Variants in EIF3F observed in about 807,000 individuals in gnomAD.
The protein encoded by EIF3F is deubiquitinating enzyme eIF3f.
In EIF3F, 8 loss-of-function variants were observed where a neutral mutation model predicts 36.0. That is an observed-to-expected ratio of 0.22 (90% confidence interval 0.13 to 0.40). The LOEUF is 0.40. Among genes scored for constraint, EIF3F ranks in the 10% least tolerant of loss-of-function variants. The pLI is 1.00. For missense variants in EIF3F, 430 were observed against 467.6 expected, an observed-to-expected ratio of 0.92 and a Z score of 0.74; for synonymous variants, 184 against 188.5, an observed-to-expected ratio of 0.98 and a Z score of 0.19.
chr11:7,994,376 G>A lies in EIF3F; in HGVS notation c.654-50G>A, dbSNP rs1334747661. 14 of 1,537,706 alleles carry A rather than the reference G, an allele frequency of 9.1e-6. No homozygotes were observed. In the East Asian group the frequency reaches 1.6e-4, roughly 18 times the overall value. On this transcript the variant is annotated intron_variant, in intron 4 of 7. Transcript: ENST00000651655. ...TGCTTTCTCAGCCCAGAATAGACAT[G>A]GAAACCCTCTCCCAAGGCCATCTGT...
intron 1 of EIF3F, among the ~76,000 whole-genome samples, chr11:7,991,108 T>C (rs1435592252): frequency 6.6e-6 from 1 of 150,644 alleles, no homozygotes; most frequent in East Asian, 1.9e-4. Context: ...GGCAGGAGAA[T>C]CACTTGAACC....
In EIF3F at chr11:7,987,809, C is replaced by T. The variant is rs1025149048; in HGVS notation, c.364+93C>T. 8.0e-6 allele frequency: 11 copies of T among 1,374,144 alleles called. No individual in the cohort carries two copies. The African/African-American group carries it at 9.2e-5, about 11-fold the overall frequency. 85.1% of individuals were successfully genotyped at this position (1,374,144 alleles called of 1,614,324 possible). On this transcript the variant is annotated intron_variant, in intron 1 of 7. Coordinates refer to ENST00000651655, the MANE Select transcript of EIF3F (RefSeq NM_003754.3). The stretch of plus-strand genomic sequence containing the variant: ...TCATTAATTCTTTAATTCCTGGTGT[C>T]CTACCGTCCTTTCCTCCCATCCCCA...
Position 7,992,088 on chromosome 11 carries a change from C to T in EIF3F, c.440C>T (p.Ala147Val). The change falls in exon 3 of 8, where the codon GCT becomes GTT. Residue 147 changes from alanine to valine, a missense_variant. By Grantham distance (64) the Ala-to-Val change is moderately conservative. Around this residue, in one of 2 missense-constraint regions of EIF3F, gnomAD observed 262 missense variants for 347.4 expected, o/e 0.75. Transcript: ENST00000651655. ...CTTTCCTGCCTTCCCTCTTAGGTGG[C>T]TGTTGACATGGAATTTGCTAAGAAT... ...VPHNESEDEVAVDMEFAKNMY... is the reference protein window; with the variant it reads ...VPHNESEDEVVVDMEFAKNMY... The T allele has an allele frequency of 6.2e-7, 1 of 1,613,378 alleles. No individual in the cohort carries two copies. The highest frequency in any genetic ancestry group is 8.5e-7 in the Non-Finnish European group (1 of 1,179,964).
At chr11:7,991,397 T>G (rs1942093296) in intron 1 of EIF3F, among the ~76,000 whole-genome samples, 1 of 152,008 alleles carries the variant, frequency 6.6e-6, no homozygotes, top group Non-Finnish European at 1.5e-5. Flanking sequence ...GCCACTATAT[T>G]AGCAGTCTAT....
Position 7,998,701 on chromosome 11 carries a change from GTA to G in EIF3F, c.*2683_*2684del, listed in dbSNP as rs1942189265. 6.6e-6 allele frequency: 1 copy of G among 152,094 alleles called. No homozygotes were observed. The highest frequency in any genetic ancestry group is 2.1e-4 in the South Asian group (1 of 4,828). 9.4% of individuals were successfully genotyped at this position (152,094 alleles called of 1,614,324 possible). On this transcript the variant is annotated 3_prime_UTR_variant, in exon 8 of 8. Coordinates refer to ENST00000651655, the MANE Select transcript of EIF3F (RefSeq NM_003754.3). ...AATGAGAATTGACTATTATGTGTGT[GTA>G]TATTATATATATGATAAAAAACAAA...
At chr11:7,988,921 A>G (rs888458115) in intron 1 of EIF3F, among the ~76,000 whole-genome samples, 1 of 152,154 alleles carries the variant, frequency 6.6e-6, no homozygotes, top group South Asian at 2.1e-4. Flanking sequence ...ACAGACACAC[A>G]TTTTCTCTCC....
chr11:7,987,887 C>T (rs931453866), intron 1 of EIF3F, 171 bp downstream of exon 1: 19 of 980,934 alleles, frequency 1.9e-5, no homozygotes, highest in Middle Eastern at 3.5e-4. Flanking sequence ...CTTATCTTCT[C>T]AAGCACTTGC....
rs554300925 is a variant in EIF3F at position 7,999,601 on chromosome 11, A to G, written c.*3579A>G. ...TATAAAATATATTATAGAACTGTGT[A>G]ATTAAAGCAATATGGTACTGGTCCA... On this transcript the variant is annotated 3_prime_UTR_variant, in exon 8 of 8. Transcript: ENST00000651655. 1 of 152,368 alleles carries G rather than the reference A, an allele frequency of 6.6e-6. No homozygotes were observed. The highest frequency in any genetic ancestry group is 2.4e-5 in the African/African-American group (1 of 41,588). The allele number at this position is 152,368 out of a possible 1,614,324, so 9.4% of individuals were successfully genotyped here. A position where few individuals can be genotyped will look rare whatever the true frequency, so the allele number is the denominator to read the frequency against.
At chr11:7,992,530 C>A (rs932780444) in intron 3 of EIF3F, 12 of 427,092 alleles carry the variant, frequency 2.8e-5, no homozygotes, top group African/African-American at 2.4e-4. Flanking sequence ...TATGATCATG[C>A]CTTGCCACTG....
At position 7,987,810 on chromosome 11, in the gene EIF3F, C is replaced by T. The variant is rs1390804171; in HGVS notation, c.364+94C>T. The T allele has an allele frequency of 1.1e-5, 15 of 1,374,220 alleles. No homozygotes were observed. In the South Asian group the frequency reaches 1.8e-4, roughly 17 times the overall value. The allele number at this position is 1,374,220 out of a possible 1,614,324, so 85.1% of individuals were successfully genotyped here. ...CATTAATTCTTTAATTCCTGGTGTC[C>T]TACCGTCCTTTCCTCCCATCCCCAA... On this transcript the variant is annotated intron_variant, in intron 1 of 7. Coordinates refer to ENST00000651655, the MANE Select transcript of EIF3F (RefSeq NM_003754.3).
In EIF3F at chr11:7,995,327, T is replaced by C; in HGVS notation, c.956T>C (p.Val319Ala). The C allele has an allele frequency of 6.2e-7, 1 of 1,614,174 alleles. No homozygotes were observed. The highest frequency in any genetic ancestry group is 8.5e-7 in the Non-Finnish European group (1 of 1,180,022). Reference sequence around the variant, plus strand: ...CTGGTTAACCAAGTACCGAAAATAGTTCCCGATGACTTTGAGACCATGCTC... The same window carrying C: ...CTGGTTAACCAAGTACCGAAAATAGCTCCCGATGACTTTGAGACCATGCTC... ...MSLVNQVPKI[V>A]PDDFETMLNS... The change falls in exon 7 of 8, where the codon GTT (valine) becomes GCT (alanine). Residue 319 changes from valine (V) to alanine (A), a missense_variant. Physicochemically the swap from Val to Ala is moderately conservative, Grantham distance 64 (BLOSUM62 0). Coordinates refer to ENST00000651655, the MANE Select transcript of EIF3F (RefSeq NM_003754.3).
chr11:7,989,372 A>G (rs370172635), intron 1 of EIF3F, among the ~76,000 whole-genome samples: 1 of 152,228 alleles, frequency 6.6e-6, no homozygotes, highest in African/African-American at 2.4e-5. Context: ...GACCAGGTAT[A>G]ATCTAATCTA....
At position 7,991,840 on chromosome 11, in the gene EIF3F, T is replaced by G. The variant is rs1942098824; in HGVS notation, c.424T>G (p.Ser142Ala). ...TTGCTTTTCAGTGCCGCACAATGAG[T>G]CAGAAGATGAAGTGAGTGGGAATCC... is the stretch of plus-strand genomic sequence containing the variant. Reference protein sequence around the residue: ...TNCFSVPHNESEDEVAVDMEF... With the variant: ...TNCFSVPHNEAEDEVAVDMEF... The change falls in exon 2 of 8, where the codon TCA (serine) becomes GCA (alanine). Residue 142 changes from serine (S) to alanine (A), a missense_variant. By Grantham distance (99) the Ser-to-Ala change is moderately conservative. Transcript: ENST00000651655. 1.9e-6 allele frequency: 3 copies of G among 1,614,068 alleles called. No individual in the cohort carries two copies. Among genetic ancestry groups the G allele is most frequent in the Non-Finnish European group, 2.5e-6 (3 of 1,180,002 alleles).
chr11:7,995,332 G>A lies in EIF3F; in HGVS notation c.961G>A (p.Asp321Asn), dbSNP rs777282500. ...TAACCAAGTACCGAAAATAGTTCCC[G>A]ATGACTTTGAGACCATGCTCAACAG... Reference protein sequence around the residue: ...LVNQVPKIVPDDFETMLNSNI... With the variant: ...LVNQVPKIVPNDFETMLNSNI... Residue 321 changes from aspartate to asparagine, a missense_variant, in exon 7 of 8, where the codon GAT becomes AAT. Coordinates refer to ENST00000651655, the MANE Select transcript of EIF3F (RefSeq NM_003754.3). 2.0e-5 allele frequency: 33 copies of A among 1,613,982 alleles called. No homozygotes were observed. Among genetic ancestry groups the A allele is most frequent in the East Asian group, 4.5e-5 (2 of 44,888 alleles).
At chr11:7,993,565 A>G (rs1237922175) in intron 4 of EIF3F, among the ~76,000 whole-genome samples, 1 of 152,208 alleles carries the variant, frequency 6.6e-6, no homozygotes, top group Admixed American at 6.5e-5. Flanking sequence ...ATGTTGGGAA[A>G]GGCCCTGGTG....
chr11:7,988,334 C>T (rs1942052517), intron 1 of EIF3F, among the ~76,000 whole-genome samples: 1 of 152,232 alleles, frequency 6.6e-6, no homozygotes, highest in African/African-American at 2.4e-5. Flanking sequence ...TCAGTGTCCC[C>T]TAATATTAGT....
chr11:7,990,804 A>G (rs895599000), intron 1 of EIF3F, among the ~76,000 whole-genome samples: 1 of 152,040 alleles, frequency 6.6e-6, no homozygotes, highest in Non-Finnish European at 1.5e-5. Context: ...AGGTTCCAAT[A>G]GATTAGAAGA....
At chr11:7,987,808 T>C in intron 1 of EIF3F, 92 bp downstream of exon 1, 2 of 1,375,018 alleles carry the variant, frequency 1.5e-6, no homozygotes, top group Non-Finnish European at 1.9e-6. Context: ...ATTCCTGGTG[T>C]CCTACCGTCC....
intron 4 of EIF3F, among the ~76,000 whole-genome samples, chr11:7,993,592 G>C (rs1374770158): frequency 6.6e-6 from 1 of 152,212 alleles, no homozygotes; most frequent in African/African-American, 2.4e-5. Flanking sequence ...TGAGGAAGCA[G>C]CTGTGGTAGT....
Sources: gnomAD v4.1 joint callset for allele counts (sites outside exome capture counted in the v4.1 genomes callset) on GRCh38, gnomAD v4.1.1 for gene constraint, gnomAD v4.1.1 regional missense constraint, MANE v1.5 for transcripts, NCBI Gene and HGNC (gene_info 2026-07-23, HGNC 2026-07-21) for gene names.